The following GREB1 variants were observed in gnomAD, a reference collection of about 807,000 sequenced individuals.
GREB1 encodes the protein protein GREB1.
Under a neutral mutation model 200.7 loss-of-function variants are expected in GREB1, and 106 were observed. The ratio of observed to expected loss-of-function variants is 0.53; its 90% confidence interval spans 0.45 to 0.62. The LOEUF is 0.62. Among genes scored for constraint, GREB1 ranks in the 20% least tolerant of loss-of-function variants. The pLI is 0.00. For synonymous variants in GREB1, 1,132 were observed against 1,092.4 expected, an observed-to-expected ratio of 1.04 and a Z score of -0.72; for missense variants, 2,243 against 2,556.8, an observed-to-expected ratio of 0.88 and a Z score of 2.65.
intron 1 of GREB1, among the ~76,000 whole-genome samples, chr2:11,546,943 CTTTTTTT>C (rs386354826): frequency 2.4e-5 from 3 of 123,498 alleles, no homozygotes; most frequent in African/African-American, 8.6e-5. Context: ...CTAGTTTAAA[CTTTTTTT>C]TTTTTTTTTT....
At chr2:11,507,481 G>A (rs1673217553) in intron 1 of GREB1, among the ~76,000 whole-genome samples, 1 of 151,830 alleles carries the variant, frequency 6.6e-6, no homozygotes, top group Admixed American at 6.6e-5. Context: ...GCCCTGTAGT[G>A]ACTGCCTACT....
At chr2:11,606,372 T>C (rs2148276215) in intron 17 of GREB1, among the ~76,000 whole-genome samples, 1 of 152,354 alleles carries the variant, frequency 6.6e-6, no homozygotes, top group South Asian at 2.1e-4. Flanking sequence ...TTATTCATTC[T>C]AATAGGTATG....
intron 1 of GREB1, among the ~76,000 whole-genome samples, chr2:11,555,964 A>G (rs1019880346): frequency 6.6e-6 from 1 of 152,210 alleles, no homozygotes; most frequent in Non-Finnish European, 1.5e-5. Flanking sequence ...GGGGGATAGA[A>G]ATGTCAGTGA....
intron 1 of GREB1, among the ~76,000 whole-genome samples, chr2:11,498,270 T>G (rs1672941969): frequency 6.6e-6 from 1 of 151,836 alleles, no homozygotes; most frequent in South Asian, 2.1e-4. Flanking sequence ...TGAGTTAATT[T>G]TTGTAAAAGG....
chr2:11,552,202 T>C (rs915276076), intron 1 of GREB1, among the ~76,000 whole-genome samples: 1 of 152,230 alleles, frequency 6.6e-6, no homozygotes, highest in Non-Finnish European at 1.5e-5. Context: ...TGGGCACTGC[T>C]TCAGATTCTG....
chr2:11,576,307 C>CA (rs368045289), intron 4 of GREB1, 46 bp from the exon 5 acceptor site: 102,289 of 1,086,822 alleles, frequency 0.094, 9 homozygotes, highest in Non-Finnish European at 0.099. Context: ...GACTTCATCT[C>CA]AAAAAAAAAA....
intron 1 of GREB1, among the ~76,000 whole-genome samples, chr2:11,538,798 T>TCCA (rs1674470934): frequency 2.8e-5 from 1 of 36,042 alleles, no homozygotes. Context: ...CTTCCTTCCC[T>TCCA]TCTTTACTTC....
At chr2:11,614,242 T>C (rs552265053) in intron 19 of GREB1, among the ~76,000 whole-genome samples, 64 of 151,442 alleles carry the variant, frequency 4.2e-4, no homozygotes, top group African/African-American at 1.5e-3. Flanking sequence ...TTCTCCTGCC[T>C]CAGCCTCCCG....
chr2:11,627,865 G>A lies in GREB1; in HGVS notation c.4449+761G>A, dbSNP rs553005490. On this transcript the variant is annotated intron_variant, in intron 25 of 32. Coordinates refer to ENST00000381486, the MANE Select transcript of GREB1 (RefSeq NM_014668.4). ...TATAAATGAGGATCCTGTTTGGGTCGGGAGCGGAAGAGAGAAGATTTGGAA... is the reference window on the plus strand; with the variant it reads ...TATAAATGAGGATCCTGTTTGGGTCAGGAGCGGAAGAGAGAAGATTTGGAA... Among the ~76,000 whole-genome samples the A allele has an allele frequency of 1.4e-4, 22 of 152,296 alleles. No individual in the cohort carries two copies. The South Asian group carries it at 2.1e-3, about 14-fold the overall frequency.
At chr2:11,503,426 AT>A (rs1421853949) in intron 1 of GREB1, among the ~76,000 whole-genome samples, 3 of 152,088 alleles carry the variant, frequency 2.0e-5, no homozygotes, top group African/African-American at 7.2e-5. Context: ...TCTCCCTCTA[AT>A]GGTAGACATT....
At position 11,613,243 on chromosome 2, in the gene GREB1, C is replaced by T. The variant is rs542690085; in HGVS notation, c.3122+633C>T. Reference sequence around the variant, plus strand: ...CACAGACATGCGGACACTCGAGACTCAGGTCCCTGGGCCTCCTGTAAGGCA... The same window carrying T: ...CACAGACATGCGGACACTCGAGACTTAGGTCCCTGGGCCTCCTGTAAGGCA... On this transcript the variant is annotated intron_variant, in intron 19 of 32. Coordinates refer to ENST00000381486, the MANE Select transcript of GREB1 (RefSeq NM_014668.4). Among the ~76,000 whole-genome samples, 185 of 152,278 alleles carry T rather than the reference C, an allele frequency of 1.2e-3. 1 individual carries two copies. The highest frequency in any genetic ancestry group is 4.3e-3 in the African/African-American group (178 of 41,556).
intron 1 of GREB1, among the ~76,000 whole-genome samples, chr2:11,505,780 G>A (rs898341804): frequency 4.6e-5 from 7 of 152,076 alleles, no homozygotes; most frequent in African/African-American, 1.2e-4. Context: ...CCAGGAGAAC[G>A]AGGGTGCAGT....
chr2:11,491,762 A>C (rs1470858351), intron 1 of GREB1, among the ~76,000 whole-genome samples: 1 of 152,180 alleles, frequency 6.6e-6, no homozygotes. Flanking sequence ...TGGAGGCCAT[A>C]AGTGGCTTAA....
Position 11,620,970 on chromosome 2 carries a change from A to T in GREB1, c.4110A>T (p.Thr1370=). 6.2e-7 allele frequency: 1 copy of T among 1,612,202 alleles called. No individual in the cohort carries two copies. Among genetic ancestry groups the T allele is most frequent in the Non-Finnish European group, 8.5e-7 (1 of 1,178,178 alleles). The part of the protein sequence containing the change: ...SVLSRMLVRL[T]EVDVYDEEEI... ...TGTCCAGGATGCTTGTTCGGCTCACAGAAGTGGATGTCTATGACGAGGAGG... is the reference window on the plus strand; with the variant it reads ...TGTCCAGGATGCTTGTTCGGCTCACTGAAGTGGATGTCTATGACGAGGAGG... Residue 1370 remains threonine (T), a synonymous_variant, in exon 23 of 33, where the codon ACA becomes ACT. Coordinates refer to ENST00000381486, the MANE Select transcript of GREB1 (RefSeq NM_014668.4).
chr2:11,531,788 C>A (rs1287293355), upstream of GREB1, among the ~76,000 whole-genome samples: 1 of 152,152 alleles, frequency 6.6e-6, no homozygotes, highest in Non-Finnish European at 1.5e-5. Context: ...CCGGGCTGGT[C>A]TTGATCTCCT....
chr2:11,592,074 T>C, intron 10 of GREB1: 1 of 977,614 alleles, frequency 1.0e-6, no homozygotes, highest in South Asian at 4.7e-5. Flanking sequence ...TATATGCACA[T>C]AGGGACAGTG....
intron 3 of GREB1, among the ~76,000 whole-genome samples, chr2:11,565,027 C>G (rs939836129): frequency 6.6e-6 from 1 of 152,208 alleles, no homozygotes; most frequent in Non-Finnish European, 1.5e-5. Context: ...TACCTCCCAC[C>G]GTATCCCTCC....
intron 7 of GREB1, among the ~76,000 whole-genome samples, chr2:11,583,232 A>G (rs1347072688): frequency 1.3e-5 from 2 of 152,170 alleles, no homozygotes; most frequent in African/African-American, 2.4e-5. Context: ...CTGAGATCCA[A>G]TTCCAAGCCC....
At chr2:11,571,375 TC>T (rs1678270638) in intron 4 of GREB1, among the ~76,000 whole-genome samples, 1 of 152,184 alleles carries the variant, frequency 6.6e-6, no homozygotes, top group African/African-American at 2.4e-5. Flanking sequence ...CCTAAATTAC[TC>T]CTGCTGTTTC....
Sources: allele counts gnomAD v4.1 joint callset (sites outside exome capture counted in the v4.1 genomes callset), GRCh38; gene constraint gnomAD v4.1.1; transcripts MANE v1.5; gene names NCBI Gene and HGNC (gene_info 2026-07-23, HGNC 2026-07-21).